Variants in ZKSCAN1 observed in about 807,000 individuals in gnomAD.
The protein encoded by ZKSCAN1 is zinc finger protein with KRAB and SCAN domains 1.
In ZKSCAN1, 14 loss-of-function variants were observed where a neutral mutation model predicts 51.6. That is an observed-to-expected ratio of 0.27 (90% confidence interval 0.18 to 0.42). The LOEUF is 0.42. ZKSCAN1 is among the 10% of genes least tolerant of loss of function. The probability of loss-of-function intolerance (pLI) is 1.00; values close to 1 mark genes in which losing one functional copy is unlikely to be tolerated. For missense variants in ZKSCAN1, 531 were observed against 710.0 expected (o/e 0.75, Z 2.86); for synonymous variants, 263 against 261.5 (o/e 1.01, Z -0.06).
rs1234192323 is a variant in ZKSCAN1 at position 100,041,100 on chromosome 7, G to A, written c.*6903G>A. ...CAGCATAAGCCTAAATCTATATAGA[G>A]GGCTAACTCAGGCATTGTCTTGTTT... On this transcript the variant is annotated 3_prime_UTR_variant, in exon 6 of 6. Transcript: ENST00000324306. 1 of 888,346 alleles carries A rather than the reference G, an allele frequency of 1.1e-6. No homozygotes were observed. Among genetic ancestry groups the A allele is most frequent in the Non-Finnish European group, 1.3e-6 (1 of 741,538 alleles). The allele number at this position is 888,346 out of a possible 1,614,324, so 55.0% of individuals were successfully genotyped here. A position where few individuals can be genotyped will look rare whatever the true frequency, so the allele number is the denominator to read the frequency against.
At position 100,033,356 on chromosome 7, in the gene ZKSCAN1, C is replaced by G. The variant is rs752416389; in HGVS notation, c.851C>G (p.Ser284Trp). The G allele has an allele frequency of 2.5e-6, 4 of 1,613,746 alleles. No individual in the cohort carries two copies. The highest frequency in any genetic ancestry group is 2.5e-6 in the Non-Finnish European group (3 of 1,179,986). Residue 284 changes from serine (S) to tryptophan (W), a missense_variant, in exon 6 of 6, where the codon TCG (serine) becomes TGG (tryptophan). Physicochemically the swap from Ser to Trp is radical, Grantham distance 177 (BLOSUM62 -3). This residue lies in a region of ZKSCAN1 where 403 missense variants were observed against 490.5 expected (regional missense o/e 0.82). Transcript: ENST00000324306. This position sits in a 1 kb window ranked among gnomAD's most constrained non-coding sequence, Gnocchi z 4.1. ...NEESTSKAET[S>W]EDSASRGETT... Reference sequence around the variant, plus strand: ...GAGTCAACCTCAAAGGCTGAAACCTCGGAAGATTCAGCATCACGCGGGGAG... The same window carrying G: ...GAGTCAACCTCAAAGGCTGAAACCTGGGAAGATTCAGCATCACGCGGGGAG...
At position 100,033,127 on chromosome 7, in the gene ZKSCAN1, A is replaced by T. The variant is rs944947297; in HGVS notation, c.800-178A>T. Among the ~76,000 whole-genome samples the T allele has an allele frequency of 1.3e-5, 2 of 152,128 alleles. No homozygotes were observed. The highest frequency in any genetic ancestry group is 4.8e-5 in the African/African-American group (2 of 41,416). On this transcript the variant is annotated intron_variant, in intron 5 of 5. Coordinates refer to ENST00000324306, the MANE Select transcript of ZKSCAN1 (RefSeq NM_003439.4). This position sits in a 1 kb window ranked among gnomAD's most constrained non-coding sequence, Gnocchi z 4.1. ...GCGGAGGTTGCAGTGAACTGAGATC[A>T]CGTCACTGCACTCCAGCCTGGGCGA...
intron 1 of ZKSCAN1, among the ~76,000 whole-genome samples, chr7:100,021,127 T>A (rs552877910): frequency 7.1e-6 from 1 of 141,762 alleles, no homozygotes; most frequent in East Asian, 2.0e-4. Flanking sequence ...TTTTTTTTTT[T>A]TTTTTTTTTT....
At chr7:100,021,427 C>A (rs921567954) in intron 1 of ZKSCAN1, among the ~76,000 whole-genome samples, 3 of 152,156 alleles carry the variant, frequency 2.0e-5, no homozygotes. Context: ...CTCACCCAGC[C>A]CCAAGTTTCT....
chr7:100,044,705 A>T, downstream of ZKSCAN1: 7 of 641,400 alleles, frequency 1.1e-5, no homozygotes, highest in South Asian at 7.0e-5. Flanking sequence ...AAAAAAAAAA[A>T]GTAGCACTGA....
downstream of ZKSCAN1, chr7:100,041,756 G>T: frequency 1.0e-6 from 1 of 984,664 alleles, no homozygotes; most frequent in Non-Finnish European, 1.2e-6. Context: ...TACACATTGG[G>T]GGTGAAGAAA....
rs952641042 is a variant in ZKSCAN1, at chr7:100,039,819, G to A, written c.*5622G>A. The A allele has an allele frequency of 8.1e-6, 8 of 985,186 alleles. No individual in the cohort carries two copies. The highest frequency in any genetic ancestry group is 9.6e-6 in the Non-Finnish European group (8 of 829,930). 61.0% of individuals were successfully genotyped at this position (985,186 alleles called of 1,614,324 possible). Reference sequence around the variant, plus strand: ...TAGGGTTTTCCCATCTGGGAAATGGGGTGAAAGTCTGCAGATTGTTAAATG... The same window carrying A: ...TAGGGTTTTCCCATCTGGGAAATGGAGTGAAAGTCTGCAGATTGTTAAATG... On this transcript the variant is annotated 3_prime_UTR_variant, in exon 6 of 6. Transcript: ENST00000324306.
In ZKSCAN1 at chr7:100,041,652, G is replaced by A. The variant is rs1221254564; in HGVS notation, c.*7455G>A. Reference sequence around the variant, plus strand: ...TCTCTTTATGTTGTTTCTCTTCTGAGTCATGGTAAAACAATAAATTATCAT... The same window carrying A: ...TCTCTTTATGTTGTTTCTCTTCTGAATCATGGTAAAACAATAAATTATCAT... On this transcript the variant is annotated 3_prime_UTR_variant, in exon 6 of 6. Coordinates refer to ENST00000324306, the MANE Select transcript of ZKSCAN1 (RefSeq NM_003439.4). 4 of 985,256 alleles carry A rather than the reference G, an allele frequency of 4.1e-6. No individual in the cohort carries two copies. The African/African-American group carries it at 5.2e-5, about 13-fold the overall frequency. The allele number at this position is 985,256 out of a possible 1,614,324, so 61.0% of individuals were successfully genotyped here.
chr7:100,026,405 CT>C (rs1790839812), intron 3 of ZKSCAN1, among the ~76,000 whole-genome samples: 1 of 152,064 alleles, frequency 6.6e-6, no homozygotes, highest in Admixed American at 6.6e-5. Context: ...TTAGGCTACA[CT>C]AAATTTATCT....
chr7:100,039,742 C>T lies in ZKSCAN1; in HGVS notation c.*5545C>T, dbSNP rs897801752. ...ACAGCAGTACTTCCCAGGGTGGGGG[C>T]CATATTTCTCTGTGTCCTACTCTGA... On this transcript the variant is annotated 3_prime_UTR_variant, in exon 6 of 6. Coordinates refer to ENST00000324306, the MANE Select transcript of ZKSCAN1 (RefSeq NM_003439.4). 1.0e-6 allele frequency: 1 copy of T among 985,294 alleles called. No homozygotes were observed. Among genetic ancestry groups the T allele is most frequent in the Non-Finnish European group, 1.2e-6 (1 of 829,930 alleles). The allele number at this position is 985,294 out of a possible 1,614,324, so 61.0% of individuals were successfully genotyped here.
At chr7:100,015,819 C>G (rs1790333874) in intron 1 of ZKSCAN1, 93 bp downstream of exon 1, 2 of 152,346 alleles carry the variant, frequency 1.3e-5, no homozygotes, top group South Asian at 4.1e-4. Flanking sequence ...CTGGGACCCC[C>G]TCCAGGCGGC....
At chr7:100,021,713 G>C (rs1045100470) in intron 1 of ZKSCAN1, among the ~76,000 whole-genome samples, 6 of 148,308 alleles carry the variant, frequency 4.0e-5, no homozygotes, top group African/African-American at 1.5e-4. Context: ...AGTGTGTCCT[G>C]TAATTGCAGT....
chr7:100,019,010 A>G (rs1012221057), intron 1 of ZKSCAN1, among the ~76,000 whole-genome samples: 14 of 152,232 alleles, frequency 9.2e-5, no homozygotes, highest in African/African-American at 3.4e-4. Context: ...CTTTCACAAA[A>G]GTAGGGATTT....
In ZKSCAN1 at chr7:100,036,086, C is replaced by T. The variant is rs1791350961; in HGVS notation, c.*1889C>T. On this transcript the variant is annotated 3_prime_UTR_variant, in exon 6 of 6. Coordinates refer to ENST00000324306, the MANE Select transcript of ZKSCAN1 (RefSeq NM_003439.4). ...GATCAGCAGCTAAAGTCCATGAGACCAAATGGTTTTATATGGAACCAACGA... is the reference window on the plus strand; with the variant it reads ...GATCAGCAGCTAAAGTCCATGAGACTAAATGGTTTTATATGGAACCAACGA... 2.0e-6 allele frequency: 2 copies of T among 985,386 alleles called. No individual in the cohort carries two copies. The highest frequency in any genetic ancestry group is 3.5e-5 in the African/African-American group (2 of 57,348). The allele number at this position is 985,386 out of a possible 1,614,324, so 61.0% of individuals were successfully genotyped here.
Position 100,033,209 on chromosome 7 carries a change from G to A in ZKSCAN1, c.800-96G>A, listed in dbSNP as rs1235284618. On this transcript the variant is annotated intron_variant, in intron 5 of 5. Coordinates refer to ENST00000324306, the MANE Select transcript of ZKSCAN1 (RefSeq NM_003439.4). This position sits in a 1 kb window ranked among gnomAD's most constrained non-coding sequence, Gnocchi z 4.1. ...AATAAAAATATTGCAAAGTCATTTT[G>A]CAGCCGTGTAGAAGCTTCTCGGGAA... The A allele has an allele frequency of 2.1e-6, 3 of 1,461,332 alleles. No homozygotes were observed. The African/African-American group carries it at 4.3e-5, about 21-fold the overall frequency. The allele number at this position is 1,461,332 out of a possible 1,614,324, so 90.5% of individuals were successfully genotyped here. A position where few individuals can be genotyped will look rare whatever the true frequency, so the allele number is the denominator to read the frequency against.
intron 1 of ZKSCAN1, chr7:100,016,994 C>T (rs1442843965): frequency 1.3e-5 from 2 of 152,152 alleles, no homozygotes; most frequent in Non-Finnish European, 2.9e-5. Flanking sequence ...GTTTTCACCA[C>T]TCTTAAAATA....
rs1791352960 is a variant in ZKSCAN1, at chr7:100,036,128, G to C, written c.*1931G>C. 3.0e-6 allele frequency: 3 copies of C among 985,276 alleles called. No individual in the cohort carries two copies. Among genetic ancestry groups the C allele is most frequent in the Non-Finnish European group, 3.6e-6 (3 of 829,938 alleles). 61.0% of individuals were successfully genotyped at this position (985,276 alleles called of 1,614,324 possible). A position where few individuals can be genotyped will look rare whatever the true frequency, so the allele number is the denominator to read the frequency against. On this transcript the variant is annotated 3_prime_UTR_variant, in exon 6 of 6. Coordinates refer to ENST00000324306, the MANE Select transcript of ZKSCAN1 (RefSeq NM_003439.4). ...AACCAACGAAGTGGGAGCTAAAACT[G>C]CACAGTGGTCATTCTTTGGCCTCTC...
At chr7:100,029,643 G>C (rs1791015055) in intron 3 of ZKSCAN1, among the ~76,000 whole-genome samples, 1 of 152,212 alleles carries the variant, frequency 6.6e-6, no homozygotes, top group African/African-American at 2.4e-5. Context: ...GGTTGGACCA[G>C]GTGATTAGGA....
chr7:100,023,326 T>G (rs1046806509), intron 1 of ZKSCAN1, 93 bp from the exon 2 acceptor site: 4 of 663,384 alleles, frequency 6.0e-6, no homozygotes, highest in East Asian at 2.9e-5. Context: ...AGCGTTCTGA[T>G]AGTGCCTCGA....
Sources: gnomAD v4.1 joint callset for allele counts (sites outside exome capture counted in the v4.1 genomes callset) on GRCh38, gnomAD v4.1.1 for gene constraint, gnomAD v4.1.1 regional missense constraint, Gnocchi (gnomAD v3.1) non-coding constraint, MANE v1.5 for transcripts, NCBI Gene and HGNC (gene_info 2026-07-23, HGNC 2026-07-21) for gene names.